The following PRKN variants were observed in gnomAD, a reference collection of about 807,000 sequenced individuals.
PRKN encodes the protein parkin RBR E3 ubiquitin protein ligase.
In PRKN, 56 loss-of-function variants were observed where a neutral mutation model predicts 59.5. The observed-to-expected ratio is 0.94, with a 90% CI of 0.76 to 1.18. PRKN has a LOEUF of 1.18. Ranked by LOEUF, PRKN falls within the 50% of genes most tolerant of loss-of-function variation. The pLI, the probability that PRKN is intolerant of heterozygous loss-of-function variation, is 0.00. For synonymous variants in PRKN, 250 were observed against 222.1 expected, an observed-to-expected ratio of 1.13 and a Z score of -1.12; for missense variants, 657 against 596.4, an observed-to-expected ratio of 1.10 and a Z score of -1.06.
intron 5 of PRKN, among the ~76,000 whole-genome samples, chr6:161,995,616 C>G: frequency 6.6e-6 from 1 of 151,840 alleles, no homozygotes; most frequent in Non-Finnish European, 1.5e-5. Flanking sequence ...GGACACTTCT[C>G]AAAAGAAGAC....
intron 9 of PRKN, among the ~76,000 whole-genome samples, chr6:161,531,005 C>T (rs980673005): frequency 8.5e-5 from 13 of 152,304 alleles, no homozygotes; most frequent in African/African-American, 1.7e-4. Flanking sequence ...TCAAACAGAA[C>T]ATAGCACTCC....
intron 1 of PRKN, among the ~76,000 whole-genome samples, chr6:162,581,414 T>C (rs1394185346): frequency 2.0e-5 from 3 of 152,252 alleles, no homozygotes; most frequent in African/African-American, 7.2e-5. Context: ...TTTCTAATTT[T>C]CCCATGGAAT....
intron 3 of PRKN, among the ~76,000 whole-genome samples, chr6:162,239,579 G>A (rs563851654): frequency 5.9e-5 from 9 of 152,022 alleles, no homozygotes; most frequent in African/African-American, 1.9e-4. Flanking sequence ...GTTGAGGAGC[G>A]TCTCAACTGC....
At position 161,548,914 on chromosome 6, in the gene PRKN, C is replaced by T. The variant is rs752636690; in HGVS notation, c.1023G>A (p.Leu341=). 1 of 1,614,172 alleles carries T rather than the reference C, an allele frequency of 6.2e-7. No homozygotes were observed. The highest frequency in any genetic ancestry group is 1.3e-5 in the African/African-American group (1 of 75,062). Residue 341 remains leucine (L), a synonymous_variant, in exon 9 of 12, where the codon CTG becomes CTA. Transcript: ENST00000366898. The surrounding 1 kb of genome is among the most constrained non-coding windows in gnomAD (Gnocchi z 4.2). ...LCPRPGCGAG[L]LPEPDQRKVT... is the part of the protein sequence containing the mutation. ...CTTTCCTCTGGTCAGGCTCCGGCAG[C>T]AGCCCCGCTCCACAGCCAGGGCGGG...
At chr6:162,296,430 A>G (rs1190655508) in intron 2 of PRKN, among the ~76,000 whole-genome samples, 1 of 151,970 alleles carries the variant, frequency 6.6e-6, no homozygotes, top group Non-Finnish European at 1.5e-5. Context: ...CTTTCTGAGC[A>G]TTGCAGGCTT....
intron 1 of PRKN, among the ~76,000 whole-genome samples, chr6:162,635,185 T>C (rs1777663231): frequency 6.6e-6 from 1 of 152,218 alleles, no homozygotes; most frequent in Admixed American, 6.5e-5. Context: ...CAGCCTTTTA[T>C]ATATTTTTCA....
At chr6:162,306,837 C>A (rs1419785679) in intron 2 of PRKN, among the ~76,000 whole-genome samples, 2 of 152,194 alleles carry the variant, frequency 1.3e-5, no homozygotes, top group Non-Finnish European at 2.9e-5. Context: ...AAGGCCCAGG[C>A]ACGCTGCCAA....
chr6:162,586,184 T>C (rs1554249796), intron 1 of PRKN, among the ~76,000 whole-genome samples: 2 of 152,178 alleles, frequency 1.3e-5, no homozygotes, highest in African/African-American at 2.4e-5. Flanking sequence ...GAAAGTTGTA[T>C]ATAAGTTCAG....
At chr6:162,596,909 T>C (rs1781515112) in intron 1 of PRKN, among the ~76,000 whole-genome samples, 1 of 152,112 alleles carries the variant, frequency 6.6e-6, no homozygotes, top group Admixed American at 6.6e-5. Flanking sequence ...CGCCACCTCC[T>C]ACATACAAGA....
intron 9 of PRKN, among the ~76,000 whole-genome samples, chr6:161,535,756 C>T (rs577808086): frequency 6.6e-6 from 1 of 152,212 alleles, no homozygotes; most frequent in Non-Finnish European, 1.5e-5. Context: ...GGCTGAGCCA[C>T]CTTGCACCAT....
At chr6:162,580,586 T>C (rs960682116) in intron 1 of PRKN, among the ~76,000 whole-genome samples, 4 of 150,464 alleles carry the variant, frequency 2.7e-5, no homozygotes, top group Non-Finnish European at 5.9e-5. Flanking sequence ...AAAAAATCTG[T>C]ACGATGCCCC....
At chr6:161,516,279 C>T (rs978015052) in intron 9 of PRKN, among the ~76,000 whole-genome samples, 2 of 151,302 alleles carry the variant, frequency 1.3e-5, no homozygotes, top group African/African-American at 4.9e-5. Context: ...GAAACCCCAT[C>T]TCTACTTAAA....
intron 2 of PRKN, among the ~76,000 whole-genome samples, chr6:162,356,327 C>A (rs1156345860): frequency 6.6e-6 from 1 of 151,912 alleles, no homozygotes; most frequent in Non-Finnish European, 1.5e-5. Flanking sequence ...GCTTTCATAG[C>A]CGTCCCCCCA....
In PRKN at chr6:161,541,515, C is replaced by T. The variant is rs149147832; in HGVS notation, c.1083+7339G>A. ...ACATTATTCAAAAAGATGGATCTTA[C>T]GATTTTGAAAGAGTATAATTATTGG... On this transcript the variant is annotated intron_variant, in intron 9 of 11. Transcript: ENST00000366898. 1.1e-3 allele frequency among the ~76,000 whole-genome samples: 160 copies of T among 152,262 alleles called. 1 individual carries two copies. Among genetic ancestry groups the T allele is most frequent in the African/African-American group, 3.6e-3 (150 of 41,552 alleles).
intron 6 of PRKN, among the ~76,000 whole-genome samples, chr6:161,831,374 C>T (rs922025567): frequency 1.3e-5 from 2 of 152,326 alleles, no homozygotes; most frequent in Admixed American, 6.5e-5. Context: ...TACAGATCAT[C>T]GGCTTCCTCC....
At chr6:162,221,619 A>G (rs1259713231) in intron 3 of PRKN, among the ~76,000 whole-genome samples, 1 of 152,180 alleles carries the variant, frequency 6.6e-6, no homozygotes, top group African/African-American at 2.4e-5. Context: ...CAGTCTCCCA[A>G]GCCAAAATTT....
intron 2 of PRKN, among the ~76,000 whole-genome samples, chr6:162,344,164 T>C (rs1303884326): frequency 6.6e-6 from 1 of 152,214 alleles, no homozygotes; most frequent in African/African-American, 2.4e-5. Flanking sequence ...CTCAGTCTAA[T>C]ACCAAGTTAA....
chr6:162,022,135 T>C (rs1382048997), intron 5 of PRKN, among the ~76,000 whole-genome samples: 1 of 152,202 alleles, frequency 6.6e-6, no homozygotes, highest in East Asian at 1.9e-4. Flanking sequence ...ACTTTGCTAT[T>C]GTGAATAATG....
chr6:162,275,261 C>A (rs541789935), intron 2 of PRKN: 1 of 141,318 alleles, frequency 7.1e-6, no homozygotes. Flanking sequence ...ATGGAAGATA[C>A]GCTAAAATTG....
Sources: allele counts gnomAD v4.1 joint callset (sites outside exome capture counted in the v4.1 genomes callset), GRCh38; gene constraint gnomAD v4.1.1; non-coding constraint Gnocchi (gnomAD v3.1); transcripts MANE v1.5; gene names NCBI Gene and HGNC (gene_info 2026-07-23, HGNC 2026-07-21).